The following ZNF69 variants were observed in gnomAD, a reference collection of about 807,000 sequenced individuals.
ZNF69 encodes zinc finger protein 69.
ZNF69 carries 47 observed loss-of-function variants against 50.9 expected under a neutral mutation model. The ratio of observed to expected loss-of-function variants is 0.92; its 90% confidence interval spans 0.73 to 1.18. The LOEUF is 1.18. ZNF69 is among the 50% of genes most tolerant of loss of function. ZNF69 has a pLI of 0.00. For synonymous variants in ZNF69, 216 were observed against 223.1 expected (o/e 0.97, Z 0.29); for missense variants, 717 against 675.1 (o/e 1.06, Z -0.69).
the ZNF69 span, chr19:11,965,053 T>C: frequency 2.2e-6 from 2 of 914,286 alleles, no homozygotes; most frequent in South Asian, 2.9e-5. Context: ...TCCTCACCTT[T>C]GTCCTTGCGC....
At chr19:11,948,515 ATAAG>A in the ZNF69 span, 2 of 1,612,802 alleles carry the variant, frequency 1.2e-6, no homozygotes, top group Admixed American at 1.7e-5. Context: ...CCAAAGCCAT[ATAAG>A]TGTCAACAAC....
the ZNF69 span, among the ~76,000 whole-genome samples, chr19:11,967,495 C>T: frequency 6.6e-6 from 1 of 152,058 alleles, no homozygotes; most frequent in African/African-American, 2.4e-5. Flanking sequence ...AGCTCCACCT[C>T]CCGGGTTCAC....
At chr19:11,959,707 G>C in the ZNF69 span, among the ~76,000 whole-genome samples, 2 of 152,076 alleles carry the variant, frequency 1.3e-5, no homozygotes, top group South Asian at 4.1e-4. Flanking sequence ...TACTCTTCTT[G>C]TTTTTGTCCC....
the ZNF69 span, chr19:11,977,139 A>G: frequency 6.2e-7 from 1 of 1,614,140 alleles, no homozygotes; most frequent in South Asian, 1.1e-5. Context: ...TGATGCTGGA[A>G]ACTTTCAGGA....
At chr19:11,956,570 C>T in the ZNF69 span, 215 of 398,598 alleles carry the variant, frequency 5.4e-4, no homozygotes, top group African/African-American at 3.8e-3. Flanking sequence ...TCATTGAAAG[C>T]TCACACCAGG....
the ZNF69 span, among the ~76,000 whole-genome samples, chr19:11,964,235 C>G: frequency 4.2e-4 from 64 of 152,326 alleles, 1 homozygote; most frequent in Admixed American, 2.6e-4. Context: ...AGCTGCAGAG[C>G]CCTGGAAAGC....
chr19:11,944,330 A>G, the ZNF69 span, among the ~76,000 whole-genome samples: 1 of 148,618 alleles, frequency 6.7e-6, no homozygotes, highest in East Asian at 1.9e-4. Context: ...TCTTAATACC[A>G]CAGGGAGAGC....
chr19:11,936,563 A>G, the ZNF69 span, among the ~76,000 whole-genome samples: 8 of 152,124 alleles, frequency 5.3e-5, no homozygotes, highest in East Asian at 1.5e-3. Context: ...AGTTTGTTTG[A>G]GTTCCTTGTA....
At chr19:11,970,184 A>G in the ZNF69 span, among the ~76,000 whole-genome samples, 1 of 152,204 alleles carries the variant, frequency 6.6e-6, no homozygotes, top group African/African-American at 2.4e-5. Context: ...GATGTTGCTA[A>G]TGAGGAAAAA....
chr19:11,962,567 C>A, the ZNF69 span, among the ~76,000 whole-genome samples: 4 of 151,810 alleles, frequency 2.6e-5, no homozygotes, highest in Non-Finnish European at 5.9e-5. Flanking sequence ...CACTATATTG[C>A]CCAGGCTGTT....
downstream of ZNF69, among the ~76,000 whole-genome samples, chr19:11,914,846 T>C (rs905294062): frequency 4.6e-5 from 7 of 152,128 alleles, no homozygotes; most frequent in African/African-American, 1.2e-4. Flanking sequence ...TGTATCCACA[T>C]CAGTGAAGGG....
the ZNF69 span, chr19:11,976,958 G>T: frequency 1.3e-6 from 2 of 1,580,902 alleles, no homozygotes; most frequent in Non-Finnish European, 1.7e-6. Flanking sequence ...GGAGTCCACG[G>T]CAACTTCTTG....
At chr19:11,965,423 G>T in the ZNF69 span, among the ~76,000 whole-genome samples, 1 of 152,210 alleles carries the variant, frequency 6.6e-6, no homozygotes, top group South Asian at 2.1e-4. Context: ...TCCCTGCGCG[G>T]TGACTGCGGC....
the ZNF69 span, among the ~76,000 whole-genome samples, chr19:11,942,609 A>C: frequency 6.6e-6 from 1 of 152,320 alleles, no homozygotes; most frequent in South Asian, 2.1e-4. Flanking sequence ...AGGCTTACAC[A>C]GGGATCCACA....
chr19:11,896,574 T>C (rs1411332346), intron 1 of ZNF69, among the ~76,000 whole-genome samples: 3 of 152,136 alleles, frequency 2.0e-5, no homozygotes, highest in Non-Finnish European at 4.4e-5. Context: ...GGAAGCCGGC[T>C]CTCCTGTGTC....
chr19:11,910,774 T>C (rs1290925178), downstream of ZNF69, among the ~76,000 whole-genome samples: 1 of 152,208 alleles, frequency 6.6e-6, no homozygotes, highest in East Asian at 1.9e-4. Context: ...AAGGACTTCA[T>C]GATTAAAACA....
At chr19:11,949,275 C>G in the ZNF69 span, 1 of 1,614,106 alleles carries the variant, frequency 6.2e-7, no homozygotes, top group Non-Finnish European at 8.5e-7. Flanking sequence ...GAGAGAAACC[C>G]TATGAGTGTA....
the ZNF69 span, among the ~76,000 whole-genome samples, chr19:11,958,608 G>T: frequency 1.6e-3 from 246 of 152,310 alleles, 1 homozygote; most frequent in East Asian, 0.045. Flanking sequence ...GGCTACAAGG[G>T]TGTTAGTAGA....
chr19:11,910,386 A>G (rs543691228), downstream of ZNF69, among the ~76,000 whole-genome samples: 1 of 152,324 alleles, frequency 6.6e-6, no homozygotes, highest in Admixed American at 6.5e-5. Flanking sequence ...CCAAAAGAAC[A>G]AAGCTCAAGG....
Sources: gnomAD v4.1 joint callset for allele counts (sites outside exome capture counted in the v4.1 genomes callset) on GRCh38, gnomAD v4.1.1 for gene constraint, MANE v1.5 for transcripts, NCBI Gene and HGNC (gene_info 2026-07-23, HGNC 2026-07-21) for gene names.